Variants in ATP8B4 observed in about 807,000 individuals in gnomAD.
The protein encoded by ATP8B4 is probable phospholipid-transporting ATPase IM.
ATP8B4 carries 133 observed loss-of-function variants against 145.6 expected under a neutral mutation model. The ratio of observed to expected loss-of-function variants is 0.91; its 90% CI spans 0.79 to 1.05. The LOEUF (loss-of-function observed/expected upper bound fraction) is 1.05. ATP8B4 is among the 50% of genes least tolerant of loss of function. The probability of loss-of-function intolerance (pLI) is 0.00; values close to 1 mark genes in which losing one functional copy is unlikely to be tolerated. For synonymous variants in ATP8B4, 507 were observed against 492.9 expected (o/e 1.03, Z -0.38); for missense variants, 1,458 against 1,425.2 (o/e 1.02, Z -0.37).
At chr15:49,938,631 A>G (rs2041924576) in intron 14 of ATP8B4, among the ~76,000 whole-genome samples, 1 of 152,184 alleles carries the variant, frequency 6.6e-6, no homozygotes, top group Non-Finnish European at 1.5e-5. Context: ...ACCTACAAAA[A>G]GACTTAGAGA....
chr15:50,121,355 T>C (rs2057268673), upstream of ATP8B4, among the ~76,000 whole-genome samples: 1 of 152,084 alleles, frequency 6.6e-6, no homozygotes, highest in African/African-American at 2.4e-5. Context: ...TGGGAAGGTA[T>C]TGTTTAATGG....
chr15:49,877,860 A>G (rs1449307597), intron 24 of ATP8B4, among the ~76,000 whole-genome samples: 1 of 152,206 alleles, frequency 6.6e-6, no homozygotes, highest in Non-Finnish European at 1.5e-5. Context: ...GATAATAACA[A>G]CAATAGCAAT....
At chr15:49,949,775 T>C (rs917869561) in intron 14 of ATP8B4, among the ~76,000 whole-genome samples, 2 of 152,192 alleles carry the variant, frequency 1.3e-5, no homozygotes, top group African/African-American at 2.4e-5. Context: ...CTTTTGCCCA[T>C]TCAATATGAT....
intron 23 of ATP8B4, among the ~76,000 whole-genome samples, chr15:49,882,747 T>C (rs2035616472): frequency 6.6e-6 from 1 of 152,166 alleles, no homozygotes; most frequent in African/African-American, 2.4e-5. Context: ...GACTATAAGA[T>C]GGCAGGGTAA....
At position 49,979,623 on chromosome 15, in the gene ATP8B4, T is replaced by C; in HGVS notation, c.1028A>G (p.Tyr343Cys). Reference protein sequence around the residue: ...ILNTVVPISLYVSVEVIRLGH... With the variant: ...ILNTVVPISLCVSVEVIRLGH... ...ATATAAACTCTCATCTTACCTCACA[T>C]ATAAGGAAATGGGTACAACTGTATT... The change falls in exon 12 of 28, where the codon TAT (tyrosine) becomes TGT (cysteine). Residue 343 changes from tyrosine (Y) to cysteine (C), a missense_variant. Coordinates refer to ENST00000284509, the MANE Select transcript of ATP8B4 (RefSeq NM_024837.4). The C allele has an allele frequency of 6.8e-7, 1 of 1,480,006 alleles. No homozygotes were observed. Among genetic ancestry groups the C allele is most frequent in the Non-Finnish European group, 9.1e-7 (1 of 1,096,048 alleles). The allele number at this position is 1,480,006 out of a possible 1,614,324, so 91.7% of individuals were successfully genotyped here. A position where few individuals can be genotyped will look rare whatever the true frequency, so the allele number is the denominator to read the frequency against.
chr15:49,879,422 A>G lies in ATP8B4; in HGVS notation c.2735T>C (p.Ile912Thr). 1 of 1,613,174 alleles carries G rather than the reference A, an allele frequency of 6.2e-7. No individual in the cohort carries two copies. Among genetic ancestry groups the G allele is most frequent in the Non-Finnish European group, 8.5e-7 (1 of 1,179,434 alleles). ...TAAAACAGGCAGTGATGTGTAAACA[A>G]TGTTAAAAAGGGTGATGAACCACTG... ...YDQWFITLFN[I>T]VYTSLPVLAM... Residue 912 changes from isoleucine (I) to threonine (T), a missense_variant, in exon 24 of 28, where the codon ATT becomes ACT. By Grantham distance (89) the Ile-to-Thr change is moderately conservative. Coordinates refer to ENST00000284509, the MANE Select transcript of ATP8B4 (RefSeq NM_024837.4).
chr15:49,876,444 T>G lies in ATP8B4; in HGVS notation c.2861A>C (p.Lys954Thr). The G allele has an allele frequency of 6.2e-7, 1 of 1,612,552 alleles. No individual in the cohort carries two copies. ...GQLNLLFNKR[K>T]FFICVLHGIY... is the part of the protein sequence containing the mutation. ...TCCATGCAACACGCAAATGAAAAAT[T>G]TACGCTTGTTAAAAAGCAGATTCAG... is the stretch of plus-strand genomic sequence containing the variant. Residue 954 changes from lysine to threonine, a missense_variant, in exon 25 of 28, where the codon AAA becomes ACA. Coordinates refer to ENST00000284509, the MANE Select transcript of ATP8B4 (RefSeq NM_024837.4).
intron 27 of ATP8B4, among the ~76,000 whole-genome samples, chr15:49,861,416 GTGTGTGTGTCTGTC>G (rs1473923574): frequency 0.021 from 2,935 of 137,198 alleles, 106 homozygotes; most frequent in African/African-American, 0.078. Flanking sequence ...GTGTGTGTGT[GTGTGTGTGTCTGTC>G]TGTCTGTCTG....
At chr15:50,044,405 C>A (rs1157764407) in intron 5 of ATP8B4, among the ~76,000 whole-genome samples, 189 bp downstream of exon 5, 1 of 152,192 alleles carries the variant, frequency 6.6e-6, no homozygotes, top group East Asian at 1.9e-4. Context: ...GTTACTGAAG[C>A]CTTCTTGCTT....
intron 1 of ATP8B4, among the ~76,000 whole-genome samples, chr15:50,129,717 AATT>A (rs1474597601): frequency 4.6e-5 from 7 of 152,088 alleles, no homozygotes; most frequent in Non-Finnish European, 7.4e-5. Context: ...CCAGTATTGA[AATT>A]ATGTGGTAGA....
intron 1 of ATP8B4, among the ~76,000 whole-genome samples, chr15:50,156,386 T>C (rs12907571): frequency 0.23 from 34,587 of 151,484 alleles, 4,500 homozygotes; most frequent in Non-Finnish European, 0.3. Context: ...CCTTAAGCAA[T>C]TGTTAGACAG....
At chr15:50,065,362 T>C (rs1600156668) in intron 3 of ATP8B4, among the ~76,000 whole-genome samples, 2 of 152,158 alleles carry the variant, frequency 1.3e-5, no homozygotes, top group Non-Finnish European at 2.9e-5. Flanking sequence ...AACAACAAAA[T>C]GTAAAACATG....
intron 1 of ATP8B4, among the ~76,000 whole-genome samples, chr15:50,149,695 G>T (rs2044322892): frequency 6.6e-6 from 1 of 152,194 alleles, no homozygotes; most frequent in Non-Finnish European, 1.5e-5. Context: ...AAAAATAAAT[G>T]ATATGTATTT....
chr15:50,023,693 G>A (rs2049767831), intron 6 of ATP8B4, among the ~76,000 whole-genome samples: 1 of 140,834 alleles, frequency 7.1e-6, no homozygotes, highest in South Asian at 2.2e-4. Flanking sequence ...CACCAAAACA[G>A]AATGAAAGGT....
chr15:49,966,730 G>A (rs2044584171), intron 13 of ATP8B4, among the ~76,000 whole-genome samples: 1 of 152,228 alleles, frequency 6.6e-6, no homozygotes, highest in African/African-American at 2.4e-5. Flanking sequence ...CGGCTCTGAA[G>A]AGAGCAGCAG....
chr15:49,874,352 A>G (rs75401443), intron 25 of ATP8B4, among the ~76,000 whole-genome samples: 6,294 of 152,278 alleles, frequency 0.041, 268 homozygotes, highest in African/African-American at 0.11. Context: ...AACTGAGAGA[A>G]GAATGTTCCA....
chr15:49,936,987 C>G (rs1216720221), intron 14 of ATP8B4, among the ~76,000 whole-genome samples: 1 of 151,376 alleles, frequency 6.6e-6, no homozygotes, highest in Non-Finnish European at 1.5e-5. Context: ...GCATCTTGTT[C>G]TTGTTTCATG....
At chr15:49,929,785 C>T (rs1045041822) in intron 16 of ATP8B4, among the ~76,000 whole-genome samples, 1 of 151,952 alleles carries the variant, frequency 6.6e-6, no homozygotes, top group Admixed American at 6.6e-5. Flanking sequence ...ACAGGGCCAA[C>T]AGTCTCAAAT....
chr15:49,922,587 C>A (rs2153456632), intron 17 of ATP8B4, among the ~76,000 whole-genome samples: 1 of 151,962 alleles, frequency 6.6e-6, no homozygotes, highest in African/African-American at 2.4e-5. Context: ...TAGGGTCTGA[C>A]AAAGAACATG....
Sources: allele counts gnomAD v4.1 joint callset (sites outside exome capture counted in the v4.1 genomes callset), GRCh38; gene constraint gnomAD v4.1.1; transcripts MANE v1.5; gene names NCBI Gene and HGNC (gene_info 2026-07-23, HGNC 2026-07-21).